The following MIR2052HG variants were observed in gnomAD, a reference collection of about 807,000 sequenced individuals.
MIR2052HG encodes MIR2052 host gene.
At chr8:74,745,295 C>A (rs546536699) in intron 4 of MIR2052HG, among the ~76,000 whole-genome samples, 2 of 151,880 alleles carry the variant, frequency 1.3e-5, no homozygotes, top group Non-Finnish European at 2.9e-5. Flanking sequence ...GATCTGATTA[C>A]AAGGAAACAG....
At chr8:74,642,936 G>C (rs1459831912) in intron 2 of MIR2052HG, among the ~76,000 whole-genome samples, 1 of 152,136 alleles carries the variant, frequency 6.6e-6, no homozygotes, top group Admixed American at 6.6e-5. Flanking sequence ...TATCAGACAG[G>C]TAGAAATAGT....
At chr8:74,618,164 A>G (rs1332490954) in intron 2 of MIR2052HG, among the ~76,000 whole-genome samples, 2 of 152,222 alleles carry the variant, frequency 1.3e-5, no homozygotes, top group African/African-American at 4.8e-5. Flanking sequence ...AACTTGCCTC[A>G]GGGCTCTCTT....
chr8:74,662,376 G>A (rs1563525979), intron 2 of MIR2052HG, among the ~76,000 whole-genome samples: 1 of 151,758 alleles, frequency 6.6e-6, no homozygotes, highest in Admixed American at 6.6e-5. Context: ...ATAAGAAGTA[G>A]GATTCTAATG....
At position 74,755,386 on chromosome 8, in the gene MIR2052HG, G is replaced by T. The variant is rs1456802286; in HGVS notation, n.465-2725G>T. Among the ~76,000 whole-genome samples, 8 of 152,254 alleles carry T rather than the reference G, an allele frequency of 5.3e-5. No homozygotes were observed. The East Asian group carries it at 5.8e-4, about 11-fold the overall frequency. The stretch of plus-strand genomic sequence containing the variant: ...ATTAGACTGTTAACCACAAATACGC[G>T]GTTTCAGTTGAGAAGATTTATTTGT... On this transcript the variant is annotated intron_variant and non_coding_transcript_variant, in intron 5 of 6. Coordinates refer to ENST00000523442, the Ensembl canonical transcript of MIR2052HG.
rs143393823 is a variant in MIR2052HG, at chr8:74,643,492, C to T, written n.216+30552C>T. ...AAGTCCGGAGGTATATTTTCGTTCTCGTGGTTTTACCTTTCAGCCCTTTCT... is the reference window on the plus strand; with the variant it reads ...AAGTCCGGAGGTATATTTTCGTTCTTGTGGTTTTACCTTTCAGCCCTTTCT... On this transcript the variant is annotated intron_variant and non_coding_transcript_variant, in intron 2 of 6. Transcript: ENST00000523442. 5.3e-3 allele frequency among the ~76,000 whole-genome samples: 802 copies of T among 152,224 alleles called. 3 individuals carry two copies. Among genetic ancestry groups the T allele is most frequent in the African/African-American group, 0.016 (674 of 41,548 alleles).
At chr8:74,671,001 A>C (rs915652036) in intron 2 of MIR2052HG, among the ~76,000 whole-genome samples, 8 of 151,892 alleles carry the variant, frequency 5.3e-5, no homozygotes, top group Non-Finnish European at 2.9e-5. Flanking sequence ...CATGGACCCC[A>C]GATTTTATGA....
intron 4 of MIR2052HG, among the ~76,000 whole-genome samples, chr8:74,721,101 G>C (rs1809573694): frequency 6.6e-6 from 1 of 152,144 alleles, no homozygotes; most frequent in African/African-American, 2.4e-5. Context: ...GAACAGTCTA[G>C]GGCTGTGCCT....
intron 2 of MIR2052HG, among the ~76,000 whole-genome samples, chr8:74,672,391 A>G (rs1483739893): frequency 2.0e-5 from 3 of 152,074 alleles, no homozygotes; most frequent in Non-Finnish European, 4.4e-5. Context: ...GATGAAAGAG[A>G]TGGGTAAAAG....
intron 2 of MIR2052HG, among the ~76,000 whole-genome samples, chr8:74,663,175 T>A (rs1320992533): frequency 1.3e-5 from 2 of 152,116 alleles, no homozygotes; most frequent in African/African-American, 4.8e-5. Flanking sequence ...ATACATTCTT[T>A]GAAAAAGTGA....
intron 1 of MIR2052HG, chr8:74,603,778 A>G (rs763885852): frequency 1.2e-4 from 103 of 846,046 alleles, no homozygotes; most frequent in Non-Finnish European, 2.0e-4. Context: ...GACACACTCA[A>G]TGATGGATTG....
chr8:74,710,194 A>C lies in MIR2052HG; in HGVS notation n.371+6512A>C, dbSNP rs138582530. ...ATCCTCTGGTTCCTTTGGGGGAAAG[A>C]AGGAGTAAGCAGGCATAACAGAGGA... is the stretch of plus-strand genomic sequence containing the variant. On this transcript the variant is annotated intron_variant and non_coding_transcript_variant, in intron 4 of 6. Transcript: ENST00000523442. Among the ~76,000 whole-genome samples the C allele has an allele frequency of 3.3e-3, 498 of 152,302 alleles. 3 individuals are homozygous for C. The highest frequency in any genetic ancestry group is 0.011 in the African/African-American group (476 of 41,564).
At chr8:74,622,124 A>G (rs1331013850) in intron 2 of MIR2052HG, among the ~76,000 whole-genome samples, 1 of 152,214 alleles carries the variant, frequency 6.6e-6, no homozygotes. Context: ...TGACCTATGG[A>G]ATGGGAAGAA....
intron 4 of MIR2052HG, among the ~76,000 whole-genome samples, chr8:74,741,936 C>A (rs538373330): frequency 6.6e-6 from 1 of 152,262 alleles, no homozygotes; most frequent in South Asian, 2.1e-4. Flanking sequence ...TCAGCCTCAG[C>A]CAGGAATGTG....
At chr8:74,714,701 T>C (rs1365319126) in intron 4 of MIR2052HG, among the ~76,000 whole-genome samples, 9 of 145,414 alleles carry the variant, frequency 6.2e-5, no homozygotes, top group Admixed American at 2.0e-4. Context: ...TTTCCTTCTT[T>C]TTTTTTTTTT....
At chr8:74,720,745 G>A (rs1280756886) in intron 4 of MIR2052HG, among the ~76,000 whole-genome samples, 1 of 152,054 alleles carries the variant, frequency 6.6e-6, no homozygotes, top group Non-Finnish European at 1.5e-5. Flanking sequence ...CGGTGTGTGT[G>A]TATGTATATA....
chr8:74,630,656 A>G (rs1273912397), intron 2 of MIR2052HG, among the ~76,000 whole-genome samples: 1 of 152,216 alleles, frequency 6.6e-6, no homozygotes, highest in Non-Finnish European at 1.5e-5. Context: ...CTGGAAACTG[A>G]AGGACAAAAC....
intron 4 of MIR2052HG, among the ~76,000 whole-genome samples, chr8:74,728,717 G>T (rs375416540): frequency 2.0e-5 from 3 of 152,224 alleles, no homozygotes; most frequent in East Asian, 1.9e-4. Context: ...ACAAGCAAAA[G>T]AGGTAAAATA....
chr8:74,608,744 G>C (rs971879021), intron 1 of MIR2052HG, among the ~76,000 whole-genome samples: 1 of 151,906 alleles, frequency 6.6e-6, no homozygotes, highest in African/African-American at 2.4e-5. Context: ...AAAATATTAC[G>C]AACTGAATGA....
At chr8:74,675,020 T>C (rs1365607030) in intron 2 of MIR2052HG, among the ~76,000 whole-genome samples, 1 of 152,022 alleles carries the variant, frequency 6.6e-6, no homozygotes, top group Non-Finnish European at 1.5e-5. Context: ...TATTATATCT[T>C]TCAAGAGTAT....
Sources: gnomAD v4.1 joint callset for allele counts (sites outside exome capture counted in the v4.1 genomes callset) on GRCh38, gnomAD v4.1.1 for gene constraint, MANE v1.5 for transcripts, NCBI Gene and HGNC (gene_info 2026-07-23, HGNC 2026-07-21) for gene names.